SGMS1: variants seen among roughly 807,000 people sequenced by gnomAD.
SGMS1 encodes sphingomyelin synthase 1.
SGMS1 carries 13 observed loss-of-function variants against 46.2 expected under a neutral mutation model. That is an observed-to-expected ratio of 0.28 (90% confidence interval 0.18 to 0.45). The LOEUF (loss-of-function observed/expected upper bound fraction) is 0.45, where lower values mean the gene tolerates loss of function less well. Among genes scored for constraint, SGMS1 ranks in the 20% least tolerant of loss-of-function variants. The probability of loss-of-function intolerance (pLI) is 1.00; values close to 1 mark genes in which losing one functional copy is unlikely to be tolerated. For synonymous variants in SGMS1, 203 were observed against 187.8 expected (o/e 1.08, Z -0.66); for missense variants, 324 against 519.9 (o/e 0.62, Z 3.66).
At chr10:50,462,715 T>C (rs188152796) in intron 4 of SGMS1, among the ~76,000 whole-genome samples, 24 of 152,210 alleles carry the variant, frequency 1.6e-4, no homozygotes, top group African/African-American at 5.8e-4. Flanking sequence ...TAAATGCCCA[T>C]CAAAATGTTA....
intron 3 of SGMS1, among the ~76,000 whole-genome samples, chr10:50,505,007 G>A (rs567664751): frequency 2.6e-5 from 4 of 152,132 alleles, no homozygotes; most frequent in African/African-American, 4.8e-5. Flanking sequence ...CCAGGAATTC[G>A]AGACCAGTGC....
chr10:50,475,294 C>T (rs909663598), intron 3 of SGMS1, among the ~76,000 whole-genome samples: 2 of 152,180 alleles, frequency 1.3e-5, no homozygotes, highest in South Asian at 2.1e-4. Flanking sequence ...ACATTTATTT[C>T]AGCATTCCTG....
At chr10:50,612,345 A>G (rs927221743) in intron 1 of SGMS1, among the ~76,000 whole-genome samples, 1 of 152,268 alleles carries the variant, frequency 6.6e-6, no homozygotes, top group African/African-American at 2.4e-5. Context: ...AGGAATATCC[A>G]TTACAACCTG....
Position 50,336,628 on chromosome 10 carries a change from C to T in SGMS1, c.623+6864G>A, listed in dbSNP as rs534348767. Reference sequence around the variant, plus strand: ...ATTTGTTTTTATTCTGTCCTATGCACGTGGCATCTACAACACTAAATCTGT... The same window carrying T: ...ATTTGTTTTTATTCTGTCCTATGCATGTGGCATCTACAACACTAAATCTGT... On this transcript the variant is annotated intron_variant, in intron 7 of 10. Transcript: ENST00000361781. Among the ~76,000 whole-genome samples the T allele has an allele frequency of 5.3e-5, 8 of 152,172 alleles. No homozygotes were observed. The East Asian group carries it at 5.8e-4, about 11-fold the overall frequency.
At chr10:50,506,574 A>C (rs972107957) in intron 3 of SGMS1, among the ~76,000 whole-genome samples, 5 of 152,200 alleles carry the variant, frequency 3.3e-5, no homozygotes, top group Admixed American at 2.6e-4. Context: ...CATATTACAG[A>C]ATCCTACACT....
chr10:50,549,046 A>G (rs1393710313), intron 2 of SGMS1, among the ~76,000 whole-genome samples: 1 of 152,224 alleles, frequency 6.6e-6, no homozygotes, highest in Non-Finnish European at 1.5e-5. Flanking sequence ...AAAAAACAAC[A>G]GATCCTGGCA....
At chr10:50,561,345 A>T (rs1193256786) in intron 2 of SGMS1, among the ~76,000 whole-genome samples, 1 of 152,202 alleles carries the variant, frequency 6.6e-6, no homozygotes, top group Non-Finnish European at 1.5e-5. Context: ...GCACTGAGTA[A>T]TACAGCTAGT....
chr10:50,494,909 A>G (rs1306432080), intron 3 of SGMS1, among the ~76,000 whole-genome samples: 2 of 151,238 alleles, frequency 1.3e-5, no homozygotes, highest in Non-Finnish European at 3.0e-5. Flanking sequence ...AGTGGCGGGC[A>G]CCTGTAGTCC....
At chr10:50,577,709 T>C (rs544939276) in intron 2 of SGMS1, among the ~76,000 whole-genome samples, 4 of 152,314 alleles carry the variant, frequency 2.6e-5, no homozygotes, top group African/African-American at 9.6e-5. Context: ...GGCCAACGCT[T>C]TTAAGTGGAA....
At chr10:50,309,314 C>T (rs111546884) in intron 9 of SGMS1, among the ~76,000 whole-genome samples, 2,069 of 152,118 alleles carry the variant, frequency 0.014, 41 homozygotes, top group African/African-American at 0.046. Flanking sequence ...CCATATATGC[C>T]ATCTAATTTT....
rs1027872599 is a variant in SGMS1, at chr10:50,307,672, G to A, written c.1062+310C>T. ...TTAAGCTTGTGATGTGCCCCGGGTA[G>A]GGAGAAGAGGATAGGAAAGCAAATC... On this transcript the variant is annotated intron_variant, in intron 10 of 10. Coordinates refer to ENST00000361781, the MANE Select transcript of SGMS1 (RefSeq NM_147156.4). This position sits in a 1 kb window ranked among gnomAD's most constrained non-coding sequence, Gnocchi z 4.2. Among the ~76,000 whole-genome samples the A allele has an allele frequency of 6.6e-6, 1 of 152,110 alleles. No homozygotes were observed. The highest frequency in any genetic ancestry group is 6.5e-5 in the Admixed American group (1 of 15,274).
intron 3 of SGMS1, among the ~76,000 whole-genome samples, chr10:50,500,414 T>C (rs753411621): frequency 1.3e-5 from 2 of 151,986 alleles, no homozygotes; most frequent in Non-Finnish European, 2.9e-5. Context: ...AAAGAAGATA[T>C]ATGCTTACTT....
intron 4 of SGMS1, among the ~76,000 whole-genome samples, chr10:50,461,934 C>A (rs551182721): frequency 2.1e-4 from 32 of 152,184 alleles, no homozygotes; most frequent in African/African-American, 7.5e-4. Flanking sequence ...ACAAAGAAAG[C>A]AGTTATCAAC....
intron 2 of SGMS1, among the ~76,000 whole-genome samples, chr10:50,544,031 T>C (rs961912906): frequency 1.3e-5 from 2 of 152,300 alleles, no homozygotes; most frequent in South Asian, 4.1e-4. Flanking sequence ...GTCAGAACAT[T>C]CTGAGGAAGA....
intron 6 of SGMS1, among the ~76,000 whole-genome samples, chr10:50,426,291 A>C (rs1849325545): frequency 6.6e-6 from 1 of 152,214 alleles, no homozygotes; most frequent in South Asian, 2.1e-4. Context: ...TTAAAATTGG[A>C]AAAAAACAAC....
chr10:50,610,822 C>A (rs1185863551), intron 1 of SGMS1, among the ~76,000 whole-genome samples: 1 of 152,144 alleles, frequency 6.6e-6, no homozygotes, highest in South Asian at 2.1e-4. Context: ...AAACTCCATA[C>A]GAGCTGAGAC....
At chr10:50,561,400 G>C (rs1357535531) in intron 2 of SGMS1, among the ~76,000 whole-genome samples, 1 of 152,214 alleles carries the variant, frequency 6.6e-6, no homozygotes, top group Non-Finnish European at 1.5e-5. Flanking sequence ...TCTGGGTCCA[G>C]AGCTCAGTCT....
At chr10:50,579,386 T>C (rs1412967949) in intron 2 of SGMS1, among the ~76,000 whole-genome samples, 1 of 151,630 alleles carries the variant, frequency 6.6e-6, no homozygotes, top group Non-Finnish European at 1.5e-5. Context: ...CAAGAAAATT[T>C]CTAAAAATGA....
intron 1 of SGMS1, among the ~76,000 whole-genome samples, chr10:50,594,607 TA>T (rs1838573398): frequency 6.6e-6 from 1 of 152,042 alleles, no homozygotes; most frequent in African/African-American, 2.4e-5. Flanking sequence ...ATTTTCTCTA[TA>T]AAAAGCTGTC....
Sources: allele counts gnomAD v4.1 joint callset (sites outside exome capture counted in the v4.1 genomes callset), GRCh38; gene constraint gnomAD v4.1.1; non-coding constraint Gnocchi (gnomAD v3.1); transcripts MANE v1.5; gene names NCBI Gene and HGNC (gene_info 2026-07-23, HGNC 2026-07-21).